The following ATAD2 variants were observed in gnomAD, a reference collection of about 807,000 sequenced individuals.
ATAD2 encodes the protein ATPase family AAA domain-containing protein 2.
In ATAD2, 62 loss-of-function variants were observed where a neutral mutation model predicts 168.9. The ratio of observed to expected loss-of-function variants is 0.37; its 90% CI spans 0.30 to 0.45. ATAD2 has a LOEUF of 0.45. Ranked by LOEUF, ATAD2 falls within the 20% of genes least tolerant of loss-of-function variation. The pLI is 1.00. For synonymous variants in ATAD2, 613 were observed against 571.6 expected (o/e 1.07, Z -1.03); for missense variants, 1,419 against 1,667.8 (o/e 0.85, Z 2.60).
chr8:123,327,942 G>A (rs984685432), intron 25 of ATAD2, among the ~76,000 whole-genome samples: 4 of 152,158 alleles, frequency 2.6e-5, no homozygotes, highest in African/African-American at 9.7e-5. Context: ...GACAAGTTAA[G>A]TATCTTGCCA....
chr8:123,413,487 C>T (rs531578978), intron 1 of ATAD2, among the ~76,000 whole-genome samples: 12 of 152,290 alleles, frequency 7.9e-5, no homozygotes, highest in African/African-American at 1.9e-4. Flanking sequence ...AAGCACTCTA[C>T]TATTATTATC....
intron 1 of ATAD2, among the ~76,000 whole-genome samples, chr8:123,414,473 T>C (rs905878709): frequency 2.0e-5 from 3 of 152,180 alleles, no homozygotes; most frequent in African/African-American, 7.2e-5. Flanking sequence ...CTATTAATTA[T>C]GTTAGCTGCG....
chr8:123,357,191 G>A (rs1392643248), intron 12 of ATAD2, among the ~76,000 whole-genome samples: 1 of 152,140 alleles, frequency 6.6e-6, no homozygotes, highest in East Asian at 1.9e-4. Flanking sequence ...ATCTTACAAT[G>A]TGCTGTCAAT....
intron 6 of ATAD2, 90 bp downstream of exon 6, chr8:123,370,813 G>A: frequency 3.3e-6 from 3 of 895,778 alleles, no homozygotes; most frequent in Non-Finnish European, 5.0e-6. Context: ...TACCATAAAT[G>A]TCACACCTTC....
intron 24 of ATAD2, among the ~76,000 whole-genome samples, chr8:123,331,661 G>T (rs1302044946): frequency 6.6e-6 from 1 of 152,164 alleles, no homozygotes; most frequent in Non-Finnish European, 1.5e-5. Context: ...TATCTTAGAA[G>T]GTTATGACTT....
intron 1 of ATAD2, among the ~76,000 whole-genome samples, chr8:123,406,540 G>A (rs959213447): frequency 6.6e-6 from 1 of 151,596 alleles, no homozygotes; most frequent in African/African-American, 2.4e-5. Context: ...CCACACTGGA[G>A]CCGGGTGTGG....
At chr8:123,324,947 T>C (rs1415983726) in intron 26 of ATAD2, among the ~76,000 whole-genome samples, 4 of 152,028 alleles carry the variant, frequency 2.6e-5, no homozygotes, top group African/African-American at 9.7e-5. Flanking sequence ...TGGTGGCTCA[T>C]GCCTATAATC....
intron 1 of ATAD2, among the ~76,000 whole-genome samples, chr8:123,405,036 G>A (rs953494997): frequency 6.6e-6 from 1 of 152,236 alleles, no homozygotes; most frequent in African/African-American, 2.4e-5. Flanking sequence ...CTAGGGGCTG[G>A]CAAACTTTTT....
In ATAD2 at chr8:123,346,281, G is replaced by A. The variant is rs1828238760; in HGVS notation, c.2346-9C>T. 1 of 1,575,034 alleles carries A rather than the reference G, an allele frequency of 6.3e-7. No homozygotes were observed. The highest frequency in any genetic ancestry group is 1.2e-5 in the South Asian group (1 of 84,884). The stretch of plus-strand genomic sequence containing the variant: ...GTTGGTAACAAGCATTTCTGAAAGA[G>A]AAATGATTAATAAGCTATGTTTTAG... On this transcript the variant is annotated splice_polypyrimidine_tract_variant and intron_variant, in intron 17 of 27. Coordinates refer to ENST00000287394, the MANE Select transcript of ATAD2 (RefSeq NM_014109.4).
chr8:123,371,447 T>A, intron 4 of ATAD2, 109 bp from the exon 5 acceptor site: 1 of 921,882 alleles, frequency 1.1e-6, no homozygotes, highest in South Asian at 2.0e-5. Context: ...TTTTAAATAT[T>A]TTTATAAGAA....
At chr8:123,333,738 A>G (rs1827841537) in intron 24 of ATAD2, 140 bp downstream of exon 24, 2 of 972,722 alleles carry the variant, frequency 2.1e-6, no homozygotes, top group Non-Finnish European at 2.9e-6. Context: ...TATTTCAAGA[A>G]TGCAAAGTTG....
Position 123,389,984 on chromosome 8 carries a change from A to ATATAT in ATAD2, c.171+6202_171+6203insATATA, listed in dbSNP as rs1232318597. On this transcript the variant is annotated intron_variant, in intron 1 of 27. Transcript: ENST00000287394. ...TTTATATATATATATATATATATAT[A>ATATAT]TTTTTTTTTTTTTAGACAGAGTCTT... is the stretch of plus-strand genomic sequence containing the variant. 1.2e-3 allele frequency among the ~76,000 whole-genome samples: 135 copies of ATATAT among 115,130 alleles called. 2 individuals carry two copies. Among genetic ancestry groups the ATATAT allele is most frequent in the Admixed American group, 2.0e-3 (23 of 11,510 alleles). 75.5% of individuals were successfully genotyped at this position (115,130 alleles called of 152,430 possible).
intron 3 of ATAD2, among the ~76,000 whole-genome samples, chr8:123,372,066 G>C (rs1343955660): frequency 6.6e-6 from 1 of 152,110 alleles, no homozygotes; most frequent in Non-Finnish European, 1.5e-5. Context: ...GTAATACAAA[G>C]ACTTGTACAT....
At chr8:123,352,004 TC>T (rs1828481964) in intron 13 of ATAD2, among the ~76,000 whole-genome samples, 1 of 152,134 alleles carries the variant, frequency 6.6e-6, no homozygotes, top group Non-Finnish European at 1.5e-5. Flanking sequence ...CGCCTTGGCC[TC>T]CCAAAGTGCT....
At chr8:123,413,675 C>G (rs1337259241) in intron 1 of ATAD2, among the ~76,000 whole-genome samples, 1 of 152,054 alleles carries the variant, frequency 6.6e-6, no homozygotes, top group African/African-American at 2.4e-5. Flanking sequence ...GAGGTAGAGA[C>G]AGATTGAGTT....
intron 1 of ATAD2, among the ~76,000 whole-genome samples, chr8:123,389,814 G>T (rs1829763782): frequency 1.3e-5 from 2 of 148,238 alleles, no homozygotes; most frequent in Admixed American, 1.4e-4. Context: ...TAGGAATCTA[G>T]AATACTTAGT....
In ATAD2 at chr8:123,334,314, T is replaced by C; in HGVS notation, c.3220A>G (p.Ile1074Val). The change falls in exon 23 of 28, where the codon ATT (isoleucine) becomes GTT (valine). Residue 1074 changes from isoleucine (I) to valine (V), a missense_variant. Transcript: ENST00000287394. ...NPDRDPGDRL[I>V]RHRACALRDT... is the part of the protein sequence containing the mutation. Reference sequence around the variant, plus strand: ...CTTAAAGCACAGGCTCTATGCCTAATAAGACGATCTATGAAGTGAGTAAAA... The same window carrying C: ...CTTAAAGCACAGGCTCTATGCCTAACAAGACGATCTATGAAGTGAGTAAAA... 6.4e-7 allele frequency: 1 copy of C among 1,555,882 alleles called. No individual in the cohort carries two copies.
intron 24 of ATAD2, among the ~76,000 whole-genome samples, chr8:123,333,004 G>C (rs773512567): frequency 6.6e-6 from 1 of 151,578 alleles, no homozygotes; most frequent in Non-Finnish European, 1.5e-5. Flanking sequence ...TCAATTACCC[G>C]AGGATGGACA....
intron 1 of ATAD2, among the ~76,000 whole-genome samples, chr8:123,389,596 C>T (rs544320488): frequency 1.3e-5 from 2 of 151,358 alleles, no homozygotes; most frequent in East Asian, 4.0e-4. Flanking sequence ...GCCCAGATCG[C>T]GCCACTGCAC....
Sources: allele counts gnomAD v4.1 joint callset (sites outside exome capture counted in the v4.1 genomes callset), GRCh38; gene constraint gnomAD v4.1.1; transcripts MANE v1.5; gene names NCBI Gene and HGNC (gene_info 2026-07-23, HGNC 2026-07-21).